Variants in CDH18 observed in about 807,000 individuals in gnomAD.
CDH18 encodes cadherin-18.
Under a neutral mutation model 67.9 loss-of-function variants are expected in CDH18, and 31 were observed. The observed-to-expected ratio is 0.46, with a 90% CI of 0.34 to 0.62. CDH18 has a LOEUF of 0.62. Among genes scored for constraint, CDH18 ranks in the 20% least tolerant of loss-of-function variants. The pLI is 0.01. For synonymous variants in CDH18, 362 were observed against 347.2 expected, an observed-to-expected ratio of 1.04 and a Z score of -0.48; for missense variants, 890 against 975.5, an observed-to-expected ratio of 0.91 and a Z score of 1.17.
At chr5:20,372,451 T>C (rs1330281995) in intron 1 of CDH18, among the ~76,000 whole-genome samples, 1 of 152,170 alleles carries the variant, frequency 6.6e-6, no homozygotes, top group African/African-American at 2.4e-5. Context: ...CCTTTCTATT[T>C]CACTGTATTT....
intron 2 of CDH18, among the ~76,000 whole-genome samples, chr5:20,161,654 T>C (rs987386386): frequency 2.0e-5 from 3 of 152,216 alleles, no homozygotes; most frequent in African/African-American, 7.2e-5. Context: ...GTTTCTTTTT[T>C]GATTATAATT....
chr5:20,043,032 C>G (rs1283788409), intron 2 of CDH18, among the ~76,000 whole-genome samples: 1 of 152,018 alleles, frequency 6.6e-6, no homozygotes, highest in Admixed American at 6.5e-5. Context: ...TAAAATTTCT[C>G]AACCTCAGCA....
chr5:20,410,088 ACT>A (rs1383313202), intron 1 of CDH18, among the ~76,000 whole-genome samples: 1 of 151,808 alleles, frequency 6.6e-6, no homozygotes, highest in Non-Finnish European at 1.5e-5. Flanking sequence ...TCCTTCCTAA[ACT>A]CTGCAAAAGA....
intron 1 of CDH18, among the ~76,000 whole-genome samples, chr5:20,280,298 T>C (rs1289126536): frequency 6.6e-6 from 1 of 152,092 alleles, no homozygotes; most frequent in East Asian, 1.9e-4. Flanking sequence ...CATTTTGGTG[T>C]GCTGCACCCA....
chr5:20,131,075 C>A (rs774388152), intron 2 of CDH18, among the ~76,000 whole-genome samples: 77 of 151,966 alleles, frequency 5.1e-4, no homozygotes, highest in Non-Finnish European at 5.7e-4. Flanking sequence ...AAATTTTTTA[C>A]CTTATATAAA....
intron 2 of CDH18, among the ~76,000 whole-genome samples, chr5:20,065,761 A>G (rs542737025): frequency 1.3e-5 from 2 of 152,172 alleles, no homozygotes; most frequent in South Asian, 4.1e-4. Context: ...GGTATCAAAG[A>G]AAAATTTTTA....
intron 2 of CDH18, among the ~76,000 whole-genome samples, chr5:20,205,325 GGCTACATCAATTATAAATAT>G (rs1179383785): frequency 1.3e-5 from 2 of 151,774 alleles, no homozygotes; most frequent in Non-Finnish European, 2.9e-5. Flanking sequence ...TTCAGCAAGA[GGCTACATCAATTATAAATAT>G]GCATCCAACA....
chr5:19,658,832 G>A (rs1756772798), intron 5 of CDH18, among the ~76,000 whole-genome samples: 2 of 151,886 alleles, frequency 1.3e-5, no homozygotes, highest in African/African-American at 4.8e-5. Context: ...GCCCTGGTGT[G>A]TGATGTTCTC....
rs1172876191 is a variant in CDH18, at chr5:20,127,409, TACA to T, written c.-518+128032_-518+128034del. Among the ~76,000 whole-genome samples the T allele has an allele frequency of 9.2e-5, 14 of 152,074 alleles. 1 individual carries two copies. The highest frequency in any genetic ancestry group is 3.4e-3 in the Middle Eastern group (1 of 294). The stretch of plus-strand genomic sequence containing the variant: ...TTACAGTAACGTGAGAATGGACTAA[TACA>T]ACAAGATTCAAGGTAAGGAAGTACA... On this transcript the variant is annotated intron_variant, in intron 2 of 14. Coordinates refer to the CDH18 transcript ENST00000507958.
intron 1 of CDH18, among the ~76,000 whole-genome samples, chr5:20,560,833 C>A (rs561294230): frequency 6.6e-6 from 1 of 151,848 alleles, no homozygotes; most frequent in South Asian, 2.1e-4. Flanking sequence ...AGAAGACGAG[C>A]CACAGACTGC....
At chr5:19,616,673 G>C (rs1749888478) in intron 5 of CDH18, among the ~76,000 whole-genome samples, 3 of 152,148 alleles carry the variant, frequency 2.0e-5, no homozygotes, top group Non-Finnish European at 4.4e-5. Flanking sequence ...AGTGGGACTG[G>C]CTTACACACA....
At chr5:19,819,711 G>A (rs1435346550) in intron 3 of CDH18, among the ~76,000 whole-genome samples, 1 of 152,132 alleles carries the variant, frequency 6.6e-6, no homozygotes, top group African/African-American at 2.4e-5. Flanking sequence ...TGTGTGGGAG[G>A]CAGCTGCTGC....
chr5:20,564,245 GCATT>G (rs1483621112), intron 1 of CDH18, among the ~76,000 whole-genome samples: 1 of 105,724 alleles, frequency 9.5e-6, no homozygotes, highest in Non-Finnish European at 2.2e-5. Flanking sequence ...ATTATTTCTT[GCATT>G]ATTATCACAG....
intron 3 of CDH18, among the ~76,000 whole-genome samples, chr5:19,834,887 C>G (rs971821084): frequency 6.6e-6 from 1 of 151,916 alleles, no homozygotes; most frequent in Middle Eastern, 3.4e-3. Flanking sequence ...GCTGGCAAGG[C>G]CCCAGAGAAA....
intron 2 of CDH18, among the ~76,000 whole-genome samples, chr5:20,060,978 G>A (rs939888711): frequency 6.6e-6 from 1 of 151,734 alleles, no homozygotes; most frequent in African/African-American, 2.4e-5. Flanking sequence ...AAAATAGAAA[G>A]CTGATTTCTA....
chr5:20,119,903 TTTA>T (rs1288818144), intron 2 of CDH18, among the ~76,000 whole-genome samples: 1 of 151,950 alleles, frequency 6.6e-6, no homozygotes, highest in Non-Finnish European at 1.5e-5. Context: ...AGCAATATAT[TTTA>T]TTTAGAAAGT....
intron 2 of CDH18, among the ~76,000 whole-genome samples, chr5:20,113,451 C>A (rs1309051509): frequency 1.3e-5 from 2 of 152,160 alleles, no homozygotes; most frequent in Non-Finnish European, 2.9e-5. Context: ...ACTAAAACAA[C>A]AAACCACTTC....
chr5:19,806,804 C>T (rs2149874918), intron 3 of CDH18, among the ~76,000 whole-genome samples: 1 of 152,260 alleles, frequency 6.6e-6, no homozygotes, highest in East Asian at 1.9e-4. Flanking sequence ...AAACCAGTTG[C>T]TCACAGAGAA....
chr5:19,704,018 G>A (rs1763631037), intron 5 of CDH18, among the ~76,000 whole-genome samples: 1 of 152,128 alleles, frequency 6.6e-6, no homozygotes, highest in Non-Finnish European at 1.5e-5. Context: ...CTGTTCCCTG[G>A]AAAGCAGAGC....
Sources: gnomAD v4.1 joint callset for allele counts (sites outside exome capture counted in the v4.1 genomes callset) on GRCh38, gnomAD v4.1.1 for gene constraint, MANE v1.5 for transcripts, NCBI Gene and HGNC (gene_info 2026-07-23, HGNC 2026-07-21) for gene names.